Variants in SHROOM3 observed in about 807,000 individuals in gnomAD.
SHROOM3 encodes protein Shroom3.
Under a neutral mutation model 138.6 loss-of-function variants are expected in SHROOM3, and 47 were observed. That is an observed-to-expected ratio of 0.34 (90% CI 0.27 to 0.43). The LOEUF (loss-of-function observed/expected upper bound fraction) is 0.43. Ranked by LOEUF, SHROOM3 falls within the 20% of genes least tolerant of loss-of-function variation. The probability of loss-of-function intolerance (pLI) is 1.00; values close to 1 mark genes in which losing one functional copy is unlikely to be tolerated. For synonymous variants in SHROOM3, 1,062 were observed against 1,063.3 expected, an observed-to-expected ratio of 1.00 and a Z score of 0.02; for missense variants, 2,491 against 2,596.5, an observed-to-expected ratio of 0.96 and a Z score of 0.88.
At chr4:76,480,463 T>C (rs1405172513) in intron 1 of SHROOM3, among the ~76,000 whole-genome samples, 1 of 152,150 alleles carries the variant, frequency 6.6e-6, no homozygotes, top group Non-Finnish European at 1.5e-5. Context: ...ATGCACCCAA[T>C]ACAGGAGCAC....
intron 3 of SHROOM3, among the ~76,000 whole-genome samples, chr4:76,727,273 A>G (rs1275388125): frequency 2.0e-5 from 3 of 152,192 alleles, no homozygotes; most frequent in African/African-American, 7.2e-5. Context: ...GTGATTAAGC[A>G]GTGGCATTTG....
chr4:76,729,061 C>G (rs763646596), intron 3 of SHROOM3, among the ~76,000 whole-genome samples: 16 of 152,142 alleles, frequency 1.1e-4, no homozygotes, highest in Admixed American at 5.2e-4. Flanking sequence ...GGTAATAAGA[C>G]TTAACATTTA....
chr4:76,737,208 C>T (rs1241604335), intron 4 of SHROOM3, among the ~76,000 whole-genome samples: 1 of 149,990 alleles, frequency 6.7e-6, no homozygotes, highest in Non-Finnish European at 1.5e-5. Flanking sequence ...TGGCTTTTTT[C>T]ATCTAGTGAA....
At chr4:76,656,028 G>GTCTTA (rs1388809834) in intron 2 of SHROOM3, among the ~76,000 whole-genome samples, 1 of 152,194 alleles carries the variant, frequency 6.6e-6, no homozygotes. Context: ...TTCTGCTGTG[G>GTCTTA]CCTGTTCTTA....
intron 2 of SHROOM3, among the ~76,000 whole-genome samples, chr4:76,566,370 C>T (rs1380081488): frequency 2.6e-5 from 4 of 152,174 alleles, no homozygotes; most frequent in Admixed American, 2.6e-4. Flanking sequence ...TGAGGGGGTC[C>T]TGGAACCAAT....
At chr4:76,600,756 C>T (rs1734489395) in intron 2 of SHROOM3, among the ~76,000 whole-genome samples, 1 of 152,094 alleles carries the variant, frequency 6.6e-6, no homozygotes. Flanking sequence ...AGATTAACAA[C>T]ATTTTTATAT....
chr4:76,474,933 A>C (rs1012384277), intron 1 of SHROOM3, among the ~76,000 whole-genome samples: 13 of 152,120 alleles, frequency 8.5e-5, no homozygotes, highest in Admixed American at 8.5e-4. Context: ...GCTCAAAAAA[A>C]AAAAAATTTT....
chr4:76,636,410 A>G (rs1457962144), intron 2 of SHROOM3, among the ~76,000 whole-genome samples: 2 of 152,240 alleles, frequency 1.3e-5, no homozygotes, highest in African/African-American at 4.8e-5. Flanking sequence ...CACATAAAGT[A>G]TAGCTAAGGA....
chr4:76,532,653 G>A (rs905420426), intron 1 of SHROOM3, among the ~76,000 whole-genome samples: 52 of 152,178 alleles, frequency 3.4e-4, no homozygotes, highest in African/African-American at 1.2e-3. Context: ...GCAGTTGGAG[G>A]TGTGATAGCA....
chr4:76,520,667 C>T (rs1406581494), intron 1 of SHROOM3, among the ~76,000 whole-genome samples: 1 of 152,080 alleles, frequency 6.6e-6, no homozygotes, highest in African/African-American at 2.4e-5. Flanking sequence ...CCAGGTTGTC[C>T]CCATTTCTCT....
chr4:76,678,514 T>C (rs1719101938), intron 2 of SHROOM3, among the ~76,000 whole-genome samples: 2 of 152,158 alleles, frequency 1.3e-5, no homozygotes, highest in Non-Finnish European at 2.9e-5. Flanking sequence ...TAAATATTTA[T>C]ATGTAGTCAA....
At chr4:76,558,917 A>G (rs60169370) in intron 2 of SHROOM3, among the ~76,000 whole-genome samples, 1,884 of 152,332 alleles carry the variant, frequency 0.012, 36 homozygotes, top group African/African-American at 0.043. Flanking sequence ...CCAGGCGGCC[A>G]GAGATTCACA....
At chr4:76,650,089 C>A (rs1404426576) in intron 2 of SHROOM3, among the ~76,000 whole-genome samples, 1 of 152,108 alleles carries the variant, frequency 6.6e-6, no homozygotes, top group African/African-American at 2.4e-5. Flanking sequence ...TCTCCAATGT[C>A]TCTACTTATA....
At position 76,588,004 on chromosome 4, in the gene SHROOM3, T is replaced by C. The variant is rs528035778; in HGVS notation, c.323+32241T>C. ...AGTTAAGTGTAAATCATTTTTTGTA[T>C]GGAGAGGGATAAATACCCTCATCTT... On this transcript the variant is annotated intron_variant, in intron 2 of 10. Coordinates refer to ENST00000296043, the MANE Select transcript of SHROOM3 (RefSeq NM_020859.4). 4.6e-5 allele frequency among the ~76,000 whole-genome samples: 7 copies of C among 152,338 alleles called. No homozygotes were observed. The South Asian group carries it at 1.2e-3, about 27-fold the overall frequency.
At chr4:76,450,056 C>T (rs189574317) in intron 1 of SHROOM3, among the ~76,000 whole-genome samples, 18 of 152,250 alleles carry the variant, frequency 1.2e-4, no homozygotes, top group African/African-American at 3.9e-4. Context: ...ACTTAGTGTT[C>T]GTTTTAACTC....
chr4:76,518,923 G>A (rs76973365), intron 1 of SHROOM3, among the ~76,000 whole-genome samples: 239 of 152,266 alleles, frequency 1.6e-3, no homozygotes, highest in South Asian at 7.9e-3. Flanking sequence ...CACTGGAAGT[G>A]GAACAAGAAT....
chr4:76,624,114 A>G (rs56168679), intron 2 of SHROOM3, among the ~76,000 whole-genome samples: 25,162 of 152,232 alleles, frequency 0.17, 2,149 homozygotes, highest in East Asian at 0.2. Context: ...AGAGTTACCT[A>G]TAGTGTTTTT....
chr4:76,467,771 T>G (rs563739774), intron 1 of SHROOM3, among the ~76,000 whole-genome samples: 1 of 152,306 alleles, frequency 6.6e-6, no homozygotes, highest in Admixed American at 6.5e-5. Context: ...CGGGTATAAC[T>G]TCAATAATTT....
At chr4:76,440,395 C>G (rs138296605) in intron 1 of SHROOM3, among the ~76,000 whole-genome samples, 1 of 152,312 alleles carries the variant, frequency 6.6e-6, no homozygotes, top group African/African-American at 2.4e-5. Context: ...GCCATTCAGT[C>G]TCCATTGCCT....
Sources: allele counts gnomAD v4.1 joint callset (sites outside exome capture counted in the v4.1 genomes callset), GRCh38; gene constraint gnomAD v4.1.1; transcripts MANE v1.5; gene names NCBI Gene and HGNC (gene_info 2026-07-23, HGNC 2026-07-21).